The following DCAF5 variants were observed in gnomAD, a reference collection of about 807,000 sequenced individuals.
DCAF5 encodes DDB1 and CUL4 associated factor 5, also known as DDB1- and CUL4-associated factor 5.
DCAF5 carries 9 observed loss-of-function variants against 80.7 expected under a neutral mutation model. That is an observed-to-expected ratio of 0.11 (90% CI 0.07 to 0.19). The LOEUF is 0.19. DCAF5 is among the 10% of genes least tolerant of loss of function. The pLI is 1.00. For synonymous variants in DCAF5, 433 were observed against 461.9 expected (o/e 0.94, Z 0.80); for missense variants, 842 against 1,205.7 (o/e 0.70, Z 4.47).
Position 69,152,972 on chromosome 14 carries a change from T to C in DCAF5, c.7A>G (p.Arg3Gly). MK[R>G]RAGLGGSMRS... ...ATGCTGCCCCCCAGGCCAGCTCTCC[T>C]CTTCATGCTGGAACCGCCGCCGCCG... The change falls in exon 1 of 9, where the codon AGG (arginine) becomes GGG (glycine). Residue 3 changes from arginine (R) to glycine (G), a missense_variant. Physicochemically the swap from Arg to Gly is moderately radical, Grantham distance 125. Around this residue, in one of 5 missense-constraint regions of DCAF5, gnomAD observed 28 missense variants for 28.7 expected, o/e 0.98. Coordinates refer to ENST00000341516, the MANE Select transcript of DCAF5 (RefSeq NM_003861.3). The surrounding 1 kb of genome is among the most constrained non-coding windows in gnomAD (Gnocchi z 4.1). 6.3e-7 allele frequency: 1 copy of C among 1,587,068 alleles called. No individual in the cohort carries two copies. The highest frequency in any genetic ancestry group is 8.6e-7 in the Non-Finnish European group (1 of 1,169,342).
At position 69,122,239 on chromosome 14, in the gene DCAF5, C is replaced by T. The variant is rs1237532842; in HGVS notation, c.336G>A (p.Gly112=). The stretch of plus-strand genomic sequence containing the variant: ...TACCTCCAGAGAACACTTTAGTGTT[C>T]CCACTGTTGAAAGCCAGGCAAAAAA... The part of the protein sequence containing the change: ...SNIFCLAFNS[G]NTKVFSGGND... The change falls in exon 2 of 9, where the codon GGG becomes GGA. Residue 112 remains glycine (G), a synonymous_variant. Transcript: ENST00000341516. 6.2e-7 allele frequency: 1 copy of T among 1,613,684 alleles called. No homozygotes were observed. The highest frequency in any genetic ancestry group is 1.3e-5 in the African/African-American group (1 of 74,910).
intron 6 of DCAF5, chr14:69,083,397 G>T: frequency 3.5e-6 from 1 of 282,552 alleles, no homozygotes; most frequent in South Asian, 4.3e-5. Context: ...GCTTGGACAG[G>T]ATGTCTCACC....
chr14:69,102,591 GACACACACACACACAC>G (rs143602483), intron 5 of DCAF5, among the ~76,000 whole-genome samples: 1 of 124,880 alleles, frequency 8.0e-6, no homozygotes, highest in Non-Finnish European at 1.6e-5. Flanking sequence ...TAAAAACAAA[GACACACACACACACAC>G]ACACACACAC....
At chr14:69,138,006 C>A (rs1390780421) in intron 1 of DCAF5, among the ~76,000 whole-genome samples, 1 of 152,084 alleles carries the variant, frequency 6.6e-6, no homozygotes, top group Admixed American at 6.5e-5. Context: ...GAAACTCATC[C>A]CCCACAGATG....
intron 7 of DCAF5, among the ~76,000 whole-genome samples, chr14:69,065,285 C>T (rs751137235): frequency 2.0e-5 from 3 of 151,906 alleles, no homozygotes; most frequent in Non-Finnish European, 2.9e-5. Context: ...TCAGTAGAGA[C>T]GGGGTTTCAC....
Position 69,053,801 on chromosome 14 carries a change from A to ATTT in DCAF5, c.*53_*55dup. 8 of 1,259,032 alleles carry ATTT rather than the reference A, an allele frequency of 6.4e-6. No individual in the cohort carries two copies. Among genetic ancestry groups the ATTT allele is most frequent in the Non-Finnish European group, 7.4e-6 (7 of 941,182 alleles). 78.0% of individuals were successfully genotyped at this position (1,259,032 alleles called of 1,614,324 possible). A position where few individuals can be genotyped will look rare whatever the true frequency, so the allele number is the denominator to read the frequency against. On this transcript the variant is annotated 3_prime_UTR_variant, in exon 9 of 9. Coordinates refer to ENST00000341516, the MANE Select transcript of DCAF5 (RefSeq NM_003861.3). ...TCCTTTCCTCTGTATTCACTAAACA[A>ATTT]TTTTTTTTTTTTTGTAAGGCTACTT... is the stretch of plus-strand genomic sequence containing the variant.
chr14:69,135,653 G>C (rs1481899881), intron 1 of DCAF5, among the ~76,000 whole-genome samples: 4 of 152,184 alleles, frequency 2.6e-5, no homozygotes, highest in Non-Finnish European at 5.9e-5. Context: ...ATAATTGGCA[G>C]TATTTGTAGC....
chr14:69,125,420 T>C (rs1566777200), intron 1 of DCAF5, among the ~76,000 whole-genome samples: 2 of 152,140 alleles, frequency 1.3e-5, no homozygotes, highest in South Asian at 2.1e-4. Context: ...GTCTAGAAGA[T>C]GCAAAGAATT....
chr14:69,058,955 T>C lies in DCAF5; in HGVS notation c.1075-3344A>G, dbSNP rs116771235. Among the ~76,000 whole-genome samples the C allele has an allele frequency of 1.4e-3, 216 of 151,764 alleles. 1 individual carries two copies. The highest frequency in any genetic ancestry group is 5.1e-3 in the African/African-American group (211 of 41,352). ...GACAAGACGAGAGATGAGACAAATA[T>C]TTTCCTCTCCATGCACAGTGAAGTT... On this transcript the variant is annotated intron_variant, in intron 8 of 8. Transcript: ENST00000341516.
chr14:69,069,584 C>G, intron 7 of DCAF5, among the ~76,000 whole-genome samples: 1 of 152,156 alleles, frequency 6.6e-6, no homozygotes, highest in African/African-American at 2.4e-5. Context: ...CAGGCATATG[C>G]CACCATGCCC....
At chr14:69,085,243 C>T in intron 6 of DCAF5, 2 of 711,388 alleles carry the variant, frequency 2.8e-6, no homozygotes, top group Non-Finnish European at 5.3e-6. Flanking sequence ...CTTTGTTGAT[C>T]TGAACGTCAA....
chr14:69,095,160 G>A (rs1166278600), intron 5 of DCAF5, among the ~76,000 whole-genome samples: 1 of 152,022 alleles, frequency 6.6e-6, no homozygotes, highest in Non-Finnish European at 1.5e-5. Flanking sequence ...AGAAATGGGG[G>A]TGCCTCTATA....
At chr14:69,129,089 T>G (rs1034464852) in intron 1 of DCAF5, among the ~76,000 whole-genome samples, 1 of 152,252 alleles carries the variant, frequency 6.6e-6, no homozygotes, top group Non-Finnish European at 1.5e-5. Flanking sequence ...TAGGATGATT[T>G]CATTTTGCCT....
intron 6 of DCAF5, among the ~76,000 whole-genome samples, chr14:69,076,253 T>C (rs1054437829): frequency 6.6e-6 from 1 of 152,162 alleles, no homozygotes; most frequent in African/African-American, 2.4e-5. Context: ...AAGTTAAACA[T>C]AGAACTACCA....
chr14:69,122,538 T>C (rs1486130554), intron 1 of DCAF5, among the ~76,000 whole-genome samples, 178 bp from the exon 2 acceptor site: 1 of 152,140 alleles, frequency 6.6e-6, no homozygotes, highest in Non-Finnish European at 1.5e-5. Flanking sequence ...GCACGTGTTC[T>C]CTAGGCCATT....
chr14:69,081,090 C>A (rs1566737290), intron 6 of DCAF5, among the ~76,000 whole-genome samples: 1 of 151,406 alleles, frequency 6.6e-6, no homozygotes, highest in East Asian at 1.9e-4. Context: ...AAATAAAAAA[C>A]AAAAAAAATG....
At chr14:69,094,639 T>G (rs1366786856) in intron 5 of DCAF5, among the ~76,000 whole-genome samples, 1 of 152,164 alleles carries the variant, frequency 6.6e-6, no homozygotes, top group Non-Finnish European at 1.5e-5. Context: ...GGTCTACAGC[T>G]GGCCACTCCT....
rs933469419 is a variant in DCAF5, at chr14:69,053,796, A to C, written c.*61T>G. On this transcript the variant is annotated 3_prime_UTR_variant, in exon 9 of 9. Transcript: ENST00000341516. ...GTTTTTCCTTTCCTCTGTATTCACTAAACAATTTTTTTTTTTTTGTAAGGC... is the reference window on the plus strand; with the variant it reads ...GTTTTTCCTTTCCTCTGTATTCACTCAACAATTTTTTTTTTTTTGTAAGGC... 1.4e-6 allele frequency: 2 copies of C among 1,448,526 alleles called. No homozygotes were observed. The highest frequency in any genetic ancestry group is 1.8e-6 in the Non-Finnish European group (2 of 1,087,278). 89.7% of individuals were successfully genotyped at this position (1,448,526 alleles called of 1,614,324 possible). A position where few individuals can be genotyped will look rare whatever the true frequency, so the allele number is the denominator to read the frequency against.
At chr14:69,079,222 C>T (rs2039011382) in intron 6 of DCAF5, among the ~76,000 whole-genome samples, 1 of 152,146 alleles carries the variant, frequency 6.6e-6, no homozygotes, top group African/African-American at 2.4e-5. Flanking sequence ...AGGGCAAAGC[C>T]ATGAGAAGGG....
Sources: allele counts gnomAD v4.1 joint callset (sites outside exome capture counted in the v4.1 genomes callset), GRCh38; gene constraint gnomAD v4.1.1; regional missense constraint gnomAD v4.1.1; non-coding constraint Gnocchi (gnomAD v3.1); transcripts MANE v1.5; gene names NCBI Gene and HGNC (gene_info 2026-07-23, HGNC 2026-07-21).